The following KCNQ3 variants were observed in gnomAD, a reference collection of about 807,000 sequenced individuals.
The protein encoded by KCNQ3 is potassium voltage-gated channel subfamily KQT member 3.
KCNQ3 carries 30 observed loss-of-function variants against 92.5 expected under a neutral mutation model. The observed-to-expected ratio is 0.32, with a 90% confidence interval of 0.24 to 0.44. The LOEUF is 0.44. KCNQ3 is among the 20% of genes least tolerant of loss of function. The probability of loss-of-function intolerance (pLI) is 1.00; values close to 1 mark genes in which losing one functional copy is unlikely to be tolerated. For missense variants in KCNQ3, 913 were observed against 1,140.3 expected, an observed-to-expected ratio of 0.80 and a Z score of 2.87; for synonymous variants, 450 against 468.8, an observed-to-expected ratio of 0.96 and a Z score of 0.52.
chr8:132,243,703 C>T (rs1156321440), intron 1 of KCNQ3, among the ~76,000 whole-genome samples: 1 of 152,122 alleles, frequency 6.6e-6, no homozygotes, highest in African/African-American at 2.4e-5. Context: ...ACTTAATCTC[C>T]CCAACCTCAA....
intron 1 of KCNQ3, among the ~76,000 whole-genome samples, chr8:132,366,678 A>G (rs140024315): frequency 2.0e-5 from 3 of 152,332 alleles, no homozygotes; most frequent in Non-Finnish European, 1.5e-5. Flanking sequence ...CAAGAAATCT[A>G]TATTGAATTT....
At chr8:132,251,831 C>T (rs1357642525) in intron 1 of KCNQ3, among the ~76,000 whole-genome samples, 1 of 152,210 alleles carries the variant, frequency 6.6e-6, no homozygotes, top group Non-Finnish European at 1.5e-5. Flanking sequence ...GCAAACATCC[C>T]TCTCGGAGAA....
At chr8:132,251,523 C>A (rs1024433661) in intron 1 of KCNQ3, among the ~76,000 whole-genome samples, 1 of 152,166 alleles carries the variant, frequency 6.6e-6, no homozygotes, top group Non-Finnish European at 1.5e-5. Flanking sequence ...GTGGTCTCTT[C>A]CAAACATGAT....
intron 1 of KCNQ3, among the ~76,000 whole-genome samples, chr8:132,333,972 A>AC (rs1259660264): frequency 1.3e-5 from 2 of 150,928 alleles, no homozygotes; most frequent in African/African-American, 4.9e-5. Context: ...ACCTCAAGTG[A>AC]CCCTCCCGCC....
At chr8:132,465,806 G>A (rs1822158915) in intron 1 of KCNQ3, among the ~76,000 whole-genome samples, 1 of 152,214 alleles carries the variant, frequency 6.6e-6, no homozygotes, top group Admixed American at 6.5e-5. Context: ...AGCTACTTGG[G>A]AGGCTGAGGC....
chr8:132,377,173 C>A (rs979932700), intron 1 of KCNQ3, among the ~76,000 whole-genome samples: 6 of 152,106 alleles, frequency 3.9e-5, no homozygotes, highest in African/African-American at 1.4e-4. Context: ...CCACTGAGGG[C>A]CCAAGTAGAA....
chr8:132,400,803 GCA>G (rs756621144), intron 1 of KCNQ3, among the ~76,000 whole-genome samples: 5 of 152,232 alleles, frequency 3.3e-5, no homozygotes, highest in Non-Finnish European at 5.9e-5. Context: ...CTATGCCTGG[GCA>G]CAATGGCATT....
intron 1 of KCNQ3, among the ~76,000 whole-genome samples, chr8:132,309,851 A>G (rs1411770692): frequency 1.3e-5 from 2 of 152,204 alleles, no homozygotes; most frequent in Non-Finnish European, 2.9e-5. Context: ...TAAACTTGGA[A>G]GGGCCCTAAA....
At chr8:132,275,798 C>T (rs933466920) in intron 1 of KCNQ3, among the ~76,000 whole-genome samples, 12 of 152,062 alleles carry the variant, frequency 7.9e-5, no homozygotes, top group African/African-American at 2.7e-4. Context: ...AGGATGGTCT[C>T]GATTTCCTGA....
At position 132,348,843 on chromosome 8, in the gene KCNQ3, A is replaced by G. The variant is rs950331387; in HGVS notation, c.386+131304T>C. On this transcript the variant is annotated intron_variant, in intron 1 of 14. Transcript: ENST00000388996. ...CACATATGTGGTAGTGAATGTCCGCATTTTGGCAGAATTTAGTCATAAACT... is the reference window on the plus strand; with the variant it reads ...CACATATGTGGTAGTGAATGTCCGCGTTTTGGCAGAATTTAGTCATAAACT... Among the ~76,000 whole-genome samples, 39 of 152,228 alleles carry G rather than the reference A, an allele frequency of 2.6e-4. 1 individual carries two copies. The highest frequency in any genetic ancestry group is 5.9e-5 in the Non-Finnish European group (4 of 68,042).
chr8:132,303,727 T>C (rs1290976350), intron 1 of KCNQ3, among the ~76,000 whole-genome samples: 1 of 140,330 alleles, frequency 7.1e-6, no homozygotes, highest in Non-Finnish European at 1.5e-5. Context: ...ACCACATATA[T>C]GTACATGCCA....
chr8:132,175,877 G>T (rs1042087683), intron 4 of KCNQ3, among the ~76,000 whole-genome samples: 9 of 152,218 alleles, frequency 5.9e-5, no homozygotes, highest in African/African-American at 2.2e-4. Flanking sequence ...CACAGCTCAA[G>T]AGGCTTCAGA....
At chr8:132,426,118 G>C (rs1435227424) in intron 1 of KCNQ3, among the ~76,000 whole-genome samples, 2 of 152,244 alleles carry the variant, frequency 1.3e-5, no homozygotes, top group Non-Finnish European at 2.9e-5. Context: ...AGGCTTTGGA[G>C]TCCAACAGCC....
chr8:132,352,564 C>A (rs1818905881), intron 1 of KCNQ3, among the ~76,000 whole-genome samples: 1 of 152,196 alleles, frequency 6.6e-6, no homozygotes, highest in Non-Finnish European at 1.5e-5. Flanking sequence ...ACCCTGGCAC[C>A]ACAGTGCTTG....
chr8:132,284,171 C>T (rs1816612596), intron 1 of KCNQ3, among the ~76,000 whole-genome samples: 1 of 152,080 alleles, frequency 6.6e-6, no homozygotes, highest in Admixed American at 6.6e-5. Context: ...TGCCCTAAAA[C>T]TTAAAGTATA....
At chr8:132,471,886 A>G (rs60823325) in intron 1 of KCNQ3, among the ~76,000 whole-genome samples, 3,981 of 152,292 alleles carry the variant, frequency 0.026, 184 homozygotes, top group African/African-American at 0.09. Flanking sequence ...AGGGACTAGT[A>G]TCTAGAATAT....
intron 1 of KCNQ3, among the ~76,000 whole-genome samples, chr8:132,428,532 C>T (rs1180954938): frequency 6.6e-6 from 1 of 152,206 alleles, no homozygotes; most frequent in African/African-American, 2.4e-5. Flanking sequence ...AATTCACACA[C>T]ACACACATAC....
At chr8:132,358,409 C>G in intron 1 of KCNQ3, among the ~76,000 whole-genome samples, 1 of 152,170 alleles carries the variant, frequency 6.6e-6, no homozygotes. Context: ...TTTAAGTCAA[C>G]AATGCCCAGA....
Position 132,391,044 on chromosome 8 carries a change from A to C in KCNQ3, c.386+89103T>G, listed in dbSNP as rs559560495. The stretch of plus-strand genomic sequence containing the variant: ...CAGAAAACAGTCCAGTGATATTCAG[A>C]ATCTGCTGGAATAAGTGGATATTAC... On this transcript the variant is annotated intron_variant, in intron 1 of 14. Transcript: ENST00000388996. 1.8e-4 allele frequency among the ~76,000 whole-genome samples: 27 copies of C among 152,322 alleles called. No individual in the cohort carries two copies. In the South Asian group the frequency reaches 3.5e-3, roughly 20 times the overall value.
Sources: gnomAD v4.1 joint callset for allele counts (sites outside exome capture counted in the v4.1 genomes callset) on GRCh38, gnomAD v4.1.1 for gene constraint, MANE v1.5 for transcripts, NCBI Gene and HGNC (gene_info 2026-07-23, HGNC 2026-07-21) for gene names.